The following PRAMEF18 variants were observed in gnomAD, a reference collection of about 807,000 sequenced individuals.
PRAMEF18 encodes the protein PRAME family member 18, also known as PRAME family member-like.
Under a neutral mutation model 23.7 loss-of-function variants are expected in PRAMEF18, and 15 were observed. The observed-to-expected ratio is 0.63, with a 90% CI of 0.42 to 0.97. PRAMEF18 has a LOEUF of 0.97. PRAMEF18 is among the 50% of genes least tolerant of loss of function. PRAMEF18 has a pLI of 0.00. For synonymous variants in PRAMEF18, 78 were observed against 159.9 expected (o/e 0.49, Z 3.86); for missense variants, 223 against 418.6 (o/e 0.53, Z 4.08).
In PRAMEF18 at chr1:13,225,052, C is replaced by G. The variant is rs746208510; in HGVS notation, c.669G>C (p.Glu223Asp). Residue 223 changes from glutamate (E) to aspartate (D), a missense_variant, in exon 2 of 3, where the codon GAG becomes GAC. Glu to Asp is a conservative substitution (Grantham distance 45). Around this residue, in one of 6 missense-constraint regions of PRAMEF18, gnomAD observed 160 missense variants for 130.8 expected, o/e 1.22. Coordinates refer to ENST00000624297, the Ensembl canonical transcript of PRAMEF18. ...TCATCTGGCTCAGGTAACGGCTAAA[C>G]TCTACTATCATACACAGCCAGCACA... 3.1e-6 allele frequency: 5 copies of G among 1,614,060 alleles called. No individual in the cohort carries two copies. In the African/African-American group the frequency reaches 6.7e-5, roughly 22 times the overall value.
chr1:13,226,037 C>A (rs1235496445), exon 1 of PRAMEF18: 4 of 1,613,840 alleles, frequency 2.5e-6, no homozygotes. Flanking sequence ...ACGGAGATGG[C>A]CAAGGCCTGG....
At chr1:13,225,425 T>C (rs1283794423) in exon 2 of PRAMEF18, 1 of 1,609,556 alleles carries the variant, frequency 6.2e-7, no homozygotes, top group Non-Finnish European at 8.5e-7. Flanking sequence ...CACTTGAAGT[T>C]TCCACCTCCT....
At chr1:13,224,982 G>T (rs773318891) in exon 2 of PRAMEF18, 1 of 1,614,148 alleles carries the variant, frequency 6.2e-7, no homozygotes, top group East Asian at 2.2e-5. Context: ...TCAGAGCTTA[G>T]CAGGTAACGA....
exon 1 of PRAMEF18, chr1:13,226,094 C>A: frequency 6.2e-7 from 1 of 1,612,758 alleles, no homozygotes. Context: ...CTGCGTGGGG[C>A]CTGGAAGCTC....
chr1:13,224,917 G>T (rs1400515020), exon 2 of PRAMEF18: 39 of 1,614,096 alleles, frequency 2.4e-5, no homozygotes, highest in Non-Finnish European at 3.2e-5. Flanking sequence ...GCATCTGGAG[G>T]TTCTCCAGCC....
intron 1 of PRAMEF18, 72 bp downstream of exon 1, chr1:13,225,748 G>C (rs1382311987): frequency 3.1e-6 from 5 of 1,609,614 alleles, no homozygotes; most frequent in African/African-American, 2.7e-5. Context: ...GGGCCACCCC[G>C]GGTTCCCAAT....
chr1:13,224,694 C>A lies in PRAMEF18; in HGVS notation c.866+161G>T, dbSNP rs1336115264. The A allele has an allele frequency of 2.7e-5, 36 of 1,341,646 alleles. No homozygotes were observed. In the Middle Eastern group the frequency reaches 1.6e-3, roughly 61 times the overall value. 83.1% of individuals were successfully genotyped at this position (1,341,646 alleles called of 1,614,324 possible). On this transcript the variant is annotated intron_variant, in intron 2 of 2. Transcript: ENST00000624297. ...CCCTTACTGGAGCGATCCTGTGATACCCACTTCAGGATATAGAGCACCAAA... is the reference window on the plus strand; with the variant it reads ...CCCTTACTGGAGCGATCCTGTGATAACCACTTCAGGATATAGAGCACCAAA...
rs1638848015 is a variant in PRAMEF18, at chr1:13,226,057, AG to A, written c.49del (p.Leu17CysfsTer2). On this transcript the variant is annotated frameshift_variant, in exon 1 of 3. Coordinates refer to ENST00000624297, the Ensembl canonical transcript of PRAMEF18. LOFTEE classifies it high-confidence loss of function. The stretch of plus-strand genomic sequence containing the variant: ...GATGGCCAAGGCCTGGTCCCTCAGC[AG>A]GCTCTGCCCTGCCAGCTCCAGGAGT... 6.2e-7 allele frequency: 1 copy of A among 1,613,184 alleles called. No homozygotes were observed. Among genetic ancestry groups the A allele is most frequent in the Non-Finnish European group, 8.5e-7 (1 of 1,180,036 alleles).
Position 13,224,789 on chromosome 1 carries a change from G to T in PRAMEF18, c.866+66C>A, listed in dbSNP as rs879023547. 1.7e-5 allele frequency: 28 copies of T among 1,610,386 alleles called. No individual in the cohort carries two copies. The Admixed American group carries it at 3.0e-4, about 17-fold the overall frequency. Reference sequence around the variant, plus strand: ...GGCTGGCACACAGTAGATGCTGATTGGTGTTTATTGTAACAAAAAAAGGCT... The same window carrying T: ...GGCTGGCACACAGTAGATGCTGATTTGTGTTTATTGTAACAAAAAAAGGCT... On this transcript the variant is annotated intron_variant, in intron 2 of 2. Transcript: ENST00000624297.
chr1:13,226,096 T>C, exon 1 of PRAMEF18: 1 of 1,612,726 alleles, frequency 6.2e-7, no homozygotes, highest in East Asian at 2.2e-5. Context: ...GCGTGGGGCC[T>C]GGAAGCTCAT....
chr1:13,224,940 A>C, exon 2 of PRAMEF18: 1 of 1,614,098 alleles, frequency 6.2e-7, no homozygotes, highest in Non-Finnish European at 8.5e-7. Context: ...AGGAGCACAG[A>C]GCTGAATTCA....
At chr1:13,224,968 G>C in exon 2 of PRAMEF18, 1 of 1,614,146 alleles carries the variant, frequency 6.2e-7, no homozygotes, top group Non-Finnish European at 8.5e-7. Context: ...ACTGTTCTTG[G>C]CTGTCAGAGC....
At chr1:13,224,773 A>G (rs1426110231) in intron 2 of PRAMEF18, 82 bp downstream of exon 2, 3 of 1,606,626 alleles carry the variant, frequency 1.9e-6, no homozygotes, top group South Asian at 1.1e-5. Context: ...TGGCTGGCAC[A>G]CAGTAGATGC....
chr1:13,224,783 C>G, intron 2 of PRAMEF18, 72 bp downstream of exon 2: 1 of 1,609,958 alleles, frequency 6.2e-7, no homozygotes, highest in Non-Finnish European at 8.5e-7. Context: ...ACAGTAGATG[C>G]TGATTGGTGT....
chr1:13,224,639 C>T, intron 2 of PRAMEF18: 5 of 887,770 alleles, frequency 5.6e-6, no homozygotes, highest in Non-Finnish European at 8.6e-6. Context: ...ATGTCCCTCT[C>T]TGTAGCTTCT....
exon 1 of PRAMEF18, chr1:13,225,991 A>G: frequency 6.2e-7 from 1 of 1,614,286 alleles, no homozygotes; most frequent in Admixed American, 1.7e-5. Flanking sequence ...CTCCACGAAC[A>G]GTGGGGGGAA....
chr1:13,225,959 C>G (rs1272934975), exon 1 of PRAMEF18: 1 of 1,614,278 alleles, frequency 6.2e-7, no homozygotes. Context: ...TTCAGAACCT[C>G]GCAGCGTCTG....
chr1:13,224,557 C>T (rs1638812138), intron 2 of PRAMEF18: 11 of 575,230 alleles, frequency 1.9e-5, no homozygotes, highest in Non-Finnish European at 2.7e-5. Flanking sequence ...AAACACACTT[C>T]CTAACAAGGA....
chr1:13,226,023 C>G (rs1175222793), exon 1 of PRAMEF18: 1 of 1,613,994 alleles, frequency 6.2e-7, no homozygotes, highest in East Asian at 2.2e-5. Flanking sequence ...GCAGCTCATC[C>G]AGGACGGAGA....
Sources: gnomAD v4.1 joint callset for allele counts on GRCh38, gnomAD v4.1.1 for gene constraint, gnomAD v4.1.1 regional missense constraint, MANE v1.5 for transcripts, NCBI Gene and HGNC (gene_info 2026-07-23, HGNC 2026-07-21) for gene names.